QTGAL: variants seen among roughly 807,000 people sequenced by gnomAD.
QTGAL encodes queuosine-tRNA galactosyltransferase.
At chr17:83,007,569 A>C in the QTGAL span, among the ~76,000 whole-genome samples, 2 of 151,966 alleles carry the variant, frequency 1.3e-5, no homozygotes, top group Non-Finnish European at 2.9e-5. Flanking sequence ...CCTGGGAGGC[A>C]GCTGTGGGCG....
the QTGAL span, among the ~76,000 whole-genome samples, chr17:83,029,768 CA>C: frequency 6.6e-6 from 1 of 152,220 alleles, no homozygotes; most frequent in East Asian, 1.9e-4. Context: ...GAGGAAAATG[CA>C]ACTTAGCTCC....
chr17:82,955,363 T>C, the QTGAL span, among the ~76,000 whole-genome samples: 1 of 152,186 alleles, frequency 6.6e-6, no homozygotes, highest in Non-Finnish European at 1.5e-5. Flanking sequence ...AAAAAGCTCA[T>C]CACTGGTCAT....
the QTGAL span, chr17:82,960,915 C>T: frequency 7.5e-5 from 97 of 1,294,528 alleles, no homozygotes; most frequent in Middle Eastern, 2.8e-4. Flanking sequence ...GCTGTTGCCC[C>T]GTGTCCCACC....
chr17:82,978,374 C>T, the QTGAL span, among the ~76,000 whole-genome samples: 12 of 152,290 alleles, frequency 7.9e-5, no homozygotes, highest in Admixed American at 3.3e-4. The surrounding 1 kb of genome is among the most constrained non-coding windows in gnomAD (Gnocchi z 4.8). Flanking sequence ...TATCTCTGCA[C>T]GTGATTGACA....
At chr17:82,958,783 G>A in the QTGAL span, among the ~76,000 whole-genome samples, 1 of 137,398 alleles carries the variant, frequency 7.3e-6, no homozygotes, top group Non-Finnish European at 1.5e-5. Flanking sequence ...AGTGACTTGG[G>A]GACACTGAAG....
the QTGAL span, among the ~76,000 whole-genome samples, chr17:82,984,142 GGGGGA>G: frequency 0.025 from 1,640 of 66,454 alleles, 27 homozygotes; most frequent in African/African-American, 0.043. Context: ...GTGAGGACGT[GGGGGA>G]GGGGAGAGGC....
chr17:82,987,936 T>C, the QTGAL span, among the ~76,000 whole-genome samples: 1 of 152,210 alleles, frequency 6.6e-6, no homozygotes, highest in African/African-American at 2.4e-5. Context: ...TTGTGTCCTC[T>C]CTTATTTCCT....
At chr17:83,015,855 A>G in the QTGAL span, among the ~76,000 whole-genome samples, 1 of 152,198 alleles carries the variant, frequency 6.6e-6, no homozygotes, top group Admixed American at 6.5e-5. This position sits in a 1 kb window ranked among gnomAD's most constrained non-coding sequence, Gnocchi z 4.4. Context: ...GTTTCATCCC[A>G]AAACCACGCC....
At chr17:83,023,528 A>G in the QTGAL span, among the ~76,000 whole-genome samples, 1 of 152,280 alleles carries the variant, frequency 6.6e-6, no homozygotes, top group East Asian at 1.9e-4. Flanking sequence ...AGAGATGAGG[A>G]AAAACACACT....
the QTGAL span, among the ~76,000 whole-genome samples, chr17:83,043,279 G>GT: frequency 6.6e-6 from 1 of 152,186 alleles, no homozygotes; most frequent in African/African-American, 2.4e-5. Context: ...GCCATAAAAT[G>GT]TACCTTAAAC....
chr17:83,039,266 G>C, the QTGAL span, among the ~76,000 whole-genome samples: 114 of 106,034 alleles, frequency 1.1e-3, no homozygotes, highest in African/African-American at 2.4e-3. Flanking sequence ...GCCCGCCCCT[G>C]TTCTAGACAC....
the QTGAL span, chr17:83,030,795 G>A: frequency 2.0e-5 from 3 of 152,260 alleles, no homozygotes; most frequent in African/African-American, 7.2e-5. Flanking sequence ...GCGGTTCCGG[G>A]AAGGCCATGT....
At chr17:82,944,716 C>T in the QTGAL span, 34 of 152,242 alleles carry the variant, frequency 2.2e-4, no homozygotes, top group Non-Finnish European at 8.8e-5. Flanking sequence ...CCCACAAACA[C>T]GTTCTAGGTG....
At chr17:83,037,129 A>G in the QTGAL span, among the ~76,000 whole-genome samples, 1 of 152,180 alleles carries the variant, frequency 6.6e-6, no homozygotes, top group African/African-American at 2.4e-5. The surrounding 1 kb of genome is among the most constrained non-coding windows in gnomAD (Gnocchi z 5.2). Context: ...TCTCTCTGGT[A>G]TCCAAATCAA....
the QTGAL span, among the ~76,000 whole-genome samples, chr17:83,040,661 A>T: frequency 8.2e-3 from 1,247 of 152,380 alleles, 5 homozygotes; most frequent in Non-Finnish European, 0.013. Flanking sequence ...AATCCCTTTA[A>T]AATTCTAAGA....
chr17:82,958,908 C>CACTGGGGGTGTATGG, the QTGAL span, among the ~76,000 whole-genome samples: 2 of 64,266 alleles, frequency 3.1e-5, no homozygotes, highest in African/African-American at 1.8e-4. Context: ...TGTGTGTATA[C>CACTGGGGGTGTATGG]TGTGTGGGGG....
the QTGAL span, among the ~76,000 whole-genome samples, chr17:82,974,161 G>A: frequency 5.3e-5 from 8 of 152,224 alleles, no homozygotes; most frequent in African/African-American, 1.9e-4. Context: ...CTACGGAGCT[G>A]GCAGAAGGTC....
chr17:82,964,603 G>T, the QTGAL span, among the ~76,000 whole-genome samples: 1 of 146,122 alleles, frequency 6.8e-6, no homozygotes, highest in Non-Finnish European at 1.5e-5. Flanking sequence ...GGAGGACGGA[G>T]ACATGGATGC....
chr17:83,005,291 A>C, the QTGAL span: 312 of 1,170,730 alleles, frequency 2.7e-4, no homozygotes, highest in Non-Finnish European at 3.4e-4. The surrounding 1 kb of genome is among the most constrained non-coding windows in gnomAD (Gnocchi z 5.6). Flanking sequence ...TATTCATCTC[A>C]CATGTTTTAG....
Sources: allele counts gnomAD v4.1 joint callset (sites outside exome capture counted in the v4.1 genomes callset), GRCh38; gene constraint gnomAD v4.1.1; non-coding constraint Gnocchi (gnomAD v3.1); transcripts MANE v1.5; gene names NCBI Gene and HGNC (gene_info 2026-07-23, HGNC 2026-07-21).